The following RBM44 variants were observed in gnomAD, a reference collection of about 807,000 sequenced individuals.
RBM44 encodes RNA binding motif protein 44, also known as RNA-binding protein 44.
A neutral mutation model predicts 105.1 loss-of-function variants in RBM44; 66 were observed. The ratio of observed to expected loss-of-function variants is 0.63; its 90% CI spans 0.52 to 0.77. The LOEUF (loss-of-function observed/expected upper bound fraction) is 0.77. Among genes scored for constraint, RBM44 ranks in the 30% least tolerant of loss-of-function variants. The probability of loss-of-function intolerance (pLI) is 0.00; values close to 1 mark genes in which losing one functional copy is unlikely to be tolerated. For synonymous variants in RBM44, 365 were observed against 417.6 expected, an observed-to-expected ratio of 0.87 and a Z score of 1.54; for missense variants, 1,122 against 1,207.8, an observed-to-expected ratio of 0.93 and a Z score of 1.05.
chr2:237,820,135 T>C, intron 4 of RBM44, 40 bp from the exon 5 acceptor site: 2 of 1,184,486 alleles, frequency 1.7e-6, no homozygotes, highest in Non-Finnish European at 2.3e-6. Flanking sequence ...TATAGAAAAA[T>C]GTTTGGAATC....
Position 237,827,188 on chromosome 2 carries a change from T to C in RBM44, c.2450-62T>C, listed in dbSNP as rs940292326. The C allele has an allele frequency of 5.2e-5, 49 of 947,632 alleles. No homozygotes were observed. The African/African-American group carries it at 7.3e-4, about 14-fold the overall frequency. 58.7% of individuals were successfully genotyped at this position (947,632 alleles called of 1,614,324 possible). A position where few individuals can be genotyped will look rare whatever the true frequency, so the allele number is the denominator to read the frequency against. On this transcript the variant is annotated intron_variant, in intron 10 of 15. Transcript: ENST00000316997. ...AACAAAATATTTAACAGTGTTCACA[T>C]TTTCTCTGAAACATATCAGTACAAT...
intron 15 of RBM44, among the ~76,000 whole-genome samples, chr2:237,835,410 A>G (rs1301322569): frequency 6.6e-6 from 1 of 152,216 alleles, no homozygotes; most frequent in East Asian, 1.9e-4. Context: ...TTAGTGAGGA[A>G]GGCATGTCAA....
chr2:237,830,495 A>T (rs760069919), intron 13 of RBM44, among the ~76,000 whole-genome samples: 14 of 152,006 alleles, frequency 9.2e-5, no homozygotes, highest in Non-Finnish European at 1.8e-4. Context: ...TTTATAATGT[A>T]TGCTTTTAGT....
chr2:237,837,700 G>C (rs759815885), intron 15 of RBM44, among the ~76,000 whole-genome samples: 3 of 143,688 alleles, frequency 2.1e-5, no homozygotes, highest in Non-Finnish European at 4.7e-5. Flanking sequence ...TGTAGAGATG[G>C]GATCTTGTTA....
intron 10 of RBM44, among the ~76,000 whole-genome samples, chr2:237,826,311 C>G (rs1451610986): frequency 3.3e-5 from 5 of 152,082 alleles, no homozygotes; most frequent in African/African-American, 1.2e-4. Context: ...ATTTGAATCT[C>G]TATTCAGTGG....
At position 237,820,346 on chromosome 2, in the gene RBM44, A is replaced by T. The variant is rs746166745; in HGVS notation, c.1908A>T (p.Leu636Phe). 6.4e-7 allele frequency: 1 copy of T among 1,563,654 alleles called. No individual in the cohort carries two copies. The highest frequency in any genetic ancestry group is 8.7e-7 in the Non-Finnish European group (1 of 1,148,408). Residue 636 changes from leucine to phenylalanine, a missense_variant, in exon 5 of 16, where the codon TTA becomes TTT. Physicochemically the swap from Leu to Phe is conservative, Grantham distance 22. Coordinates refer to ENST00000316997, the MANE Select transcript of RBM44 (RefSeq NM_001080504.3). Reference protein sequence around the residue: ...YKLVMENREGLNMNLSSNSAK... With the variant: ...YKLVMENREGFNMNLSSNSAK... ...TTGTCATGGAAAATAGGGAAGGATT[A>T]AATATGTGTTTATTAATTTCAAATC...
intron 15 of RBM44, chr2:237,834,880 C>T (rs2061942147): frequency 6.5e-6 from 1 of 152,800 alleles, no homozygotes; most frequent in African/African-American, 2.4e-5. Flanking sequence ...CTGGCTTCCC[C>T]TAAGCAAGAG....
rs1244232652 is a variant in RBM44 at position 237,827,483 on chromosome 2, T to A, written c.2580T>A (p.Ile860=). The A allele has an allele frequency of 6.6e-7, 1 of 1,512,948 alleles. No homozygotes were observed. Among genetic ancestry groups the A allele is most frequent in the South Asian group, 1.2e-5 (1 of 82,702 alleles). 93.7% of individuals were successfully genotyped at this position (1,512,948 alleles called of 1,614,324 possible). ...FQKYQVSEIS[I]YDSTNYRYAS... is the part of the protein sequence containing the mutation. ...AATACCAAGTTTCTGAAATTTCAAT[T>A]TATGATTCTACTAATTACAGGTGTG... The change falls in exon 12 of 16, where the codon ATT becomes ATA. Residue 860 remains isoleucine, a synonymous_variant. Transcript: ENST00000316997.
chr2:237,822,395 C>CA (rs2150982166), intron 8 of RBM44, among the ~76,000 whole-genome samples: 1 of 152,088 alleles, frequency 6.6e-6, no homozygotes, highest in East Asian at 1.9e-4. Context: ...CTGAAAATTA[C>CA]AAAGTGTTAT....
rs1350094738 is a variant in RBM44, at chr2:237,824,331, T to C, written c.2361T>C (p.Asp787=). 2 of 1,613,194 alleles carry C rather than the reference T, an allele frequency of 1.2e-6. No individual in the cohort carries two copies. Among genetic ancestry groups the C allele is most frequent in the East Asian group, 4.5e-5 (2 of 44,842 alleles). Residue 787 remains aspartate, a synonymous_variant, in exon 10 of 16, where the codon GAT becomes GAC. Transcript: ENST00000316997. The stretch of plus-strand genomic sequence containing the variant: ...AAGAGACAAGCGAAGACTGGTCTGA[T>C]GCTAAAGAGAGCCTGACAGGAGTTG... ...HYQETSEDWS[D]AKESLTGVDV...
chr2:237,822,724 AT>A (rs1228849722), intron 8 of RBM44, among the ~76,000 whole-genome samples: 1 of 151,482 alleles, frequency 6.6e-6, no homozygotes, highest in East Asian at 1.9e-4. Flanking sequence ...ACAATAAATT[AT>A]TTTTTAAAGA....
chr2:237,827,687 A>T (rs1472449787), intron 12 of RBM44, among the ~76,000 whole-genome samples, 184 bp downstream of exon 12: 4 of 152,088 alleles, frequency 2.6e-5, no homozygotes, highest in African/African-American at 4.8e-5. Flanking sequence ...TCTTAACCAG[A>T]TCTTTTTTTT....
intron 15 of RBM44, 83 bp downstream of exon 15, chr2:237,834,506 C>G: frequency 1.6e-6 from 1 of 644,430 alleles, no homozygotes. Flanking sequence ...ACATAAAAAA[C>G]ATATTAAATT....
At chr2:237,828,939 A>G (rs1296569723) in intron 12 of RBM44, among the ~76,000 whole-genome samples, 1 of 152,056 alleles carries the variant, frequency 6.6e-6, no homozygotes, top group Non-Finnish European at 1.5e-5. Context: ...TCTATCATAT[A>G]TTAGCTTCGC....
At chr2:237,807,425 C>A (rs13402705) in intron 1 of RBM44, among the ~76,000 whole-genome samples, 14,871 of 152,134 alleles carry the variant, frequency 0.098, 1,428 homozygotes, top group African/African-American at 0.25. Context: ...CTGAGATTAC[C>A]GGCCTGAGCC....
chr2:237,834,362 G>T lies in RBM44; in HGVS notation c.3117G>T (p.Glu1039Asp). The change falls in exon 15 of 16, where the codon GAG becomes GAT. Residue 1039 changes from glutamate to aspartate, a missense_variant. Glu to Asp is a conservative substitution (Grantham distance 45). This residue lies in a region of RBM44 where 194 missense variants were observed against 225.5 expected (regional missense o/e 0.86). Coordinates refer to ENST00000316997, the MANE Select transcript of RBM44 (RefSeq NM_001080504.3). The part of the protein sequence containing the change: ...LNGLSITTIV[E>D]MTSSLLKNSA... ...GCTTATCTATTACTACTATTGTGGA[G>T]ATGACTTCATCTCTTCTGAAAAACT... is the stretch of plus-strand genomic sequence containing the variant. The T allele has an allele frequency of 6.5e-7, 1 of 1,547,204 alleles. No homozygotes were observed. The highest frequency in any genetic ancestry group is 8.7e-7 in the Non-Finnish European group (1 of 1,146,304).
rs1476341650 is a variant in RBM44 at position 237,842,380 on chromosome 2, A to G, written c.*564A>G. ...CTTCCAAGATAATTAAATTACTGTCATGATACATTTCATGCATTTTTTATG... is the reference window on the plus strand; with the variant it reads ...CTTCCAAGATAATTAAATTACTGTCGTGATACATTTCATGCATTTTTTATG... On this transcript the variant is annotated 3_prime_UTR_variant, in exon 16 of 16. Transcript: ENST00000316997. 1 of 152,128 alleles carries G rather than the reference A, an allele frequency of 6.6e-6. No individual in the cohort carries two copies. The highest frequency in any genetic ancestry group is 2.1e-4 in the South Asian group (1 of 4,834). The allele number at this position is 152,128 out of a possible 1,614,324, so 9.4% of individuals were successfully genotyped here. A position where few individuals can be genotyped will look rare whatever the true frequency, so the allele number is the denominator to read the frequency against.
rs2150980265 is a variant in RBM44 at position 237,820,325 on chromosome 2, C to A, written c.1887C>A (p.Val629=). The change falls in exon 5 of 16, where the codon GTC becomes GTA. Residue 629 remains valine, a synonymous_variant. Transcript: ENST00000316997. The part of the protein sequence containing the change: ...RRHCCDIYKL[V]MENREGLNMN... ...ATTGTTGTGATATTTACAAACTTGT[C>A]ATGGAAAATAGGGAAGGATTAAATA... The A allele has an allele frequency of 6.3e-7, 1 of 1,592,758 alleles. No homozygotes were observed. The highest frequency in any genetic ancestry group is 8.6e-7 in the Non-Finnish European group (1 of 1,169,186).
In RBM44 at chr2:237,827,434, C is replaced by A. The variant is rs199634505; in HGVS notation, c.2531C>A (p.Ala844Asp). Residue 844 changes from alanine (A) to aspartate (D), a missense_variant and splice_region_variant, in exon 12 of 16, where the codon GCC (alanine) becomes GAC (aspartate). Around this residue, in one of 3 missense-constraint regions of RBM44, gnomAD observed 10 missense variants for 27.0 expected, o/e 0.37. Coordinates refer to ENST00000316997, the MANE Select transcript of RBM44 (RefSeq NM_001080504.3). Reference sequence around the variant, plus strand: ...AAACTTTTATTTCTCTTCTTTTAGGCCGATTTAAGGTCTCATTTCCAAAAA... The same window carrying A: ...AAACTTTTATTTCTCTTCTTTTAGGACGATTTAAGGTCTCATTTCCAAAAA... Reference protein sequence around the residue: ...VGGLCPSVSEADLRSHFQKYQ... With the variant: ...VGGLCPSVSEDDLRSHFQKYQ... 1,701 of 1,519,648 alleles carry A rather than the reference C, an allele frequency of 1.1e-3. 3 individuals are homozygous for A. The highest frequency in any genetic ancestry group is 5.3e-3 in the Middle Eastern group (30 of 5,630). 94.1% of individuals were successfully genotyped at this position (1,519,648 alleles called of 1,614,324 possible).
Sources: gnomAD v4.1 joint callset for allele counts (sites outside exome capture counted in the v4.1 genomes callset) on GRCh38, gnomAD v4.1.1 for gene constraint, gnomAD v4.1.1 regional missense constraint, MANE v1.5 for transcripts, NCBI Gene and HGNC (gene_info 2026-07-23, HGNC 2026-07-21) for gene names.